Variants in ESRRG observed in about 807,000 individuals in gnomAD.
ESRRG encodes estrogen-related receptor gamma.
Under a neutral mutation model 44.0 loss-of-function variants are expected in ESRRG, and 13 were observed. That is an observed-to-expected ratio of 0.30 (90% CI 0.19 to 0.47). The LOEUF is 0.47. Ranked by LOEUF, ESRRG falls within the 20% of genes least tolerant of loss-of-function variation. The pLI, the probability that ESRRG is intolerant of heterozygous loss-of-function variation, is 1.00. For missense variants in ESRRG, 395 were observed against 580.6 expected, an observed-to-expected ratio of 0.68 and a Z score of 3.29; for synonymous variants, 215 against 214.6, an observed-to-expected ratio of 1.00 and a Z score of -0.02.
At chr1:216,817,149 C>G (rs961454160) in intron 2 of ESRRG, among the ~76,000 whole-genome samples, 2 of 151,822 alleles carry the variant, frequency 1.3e-5, no homozygotes, top group African/African-American at 2.4e-5. Flanking sequence ...CCTAAACACA[C>G]ATTCAAATAA....
chr1:216,906,479 C>G lies in ESRRG; in HGVS notation c.-14+33103G>C, dbSNP rs897495985. The stretch of plus-strand genomic sequence containing the variant: ...CATCAGACATATGGCCAGGAAAGTA[C>G]AGCCTCAATTGAACAGCAAAGCCCT... On this transcript the variant is annotated intron_variant, in intron 2 of 7. Coordinates refer to the ESRRG transcript ENST00000359162. 2.0e-5 allele frequency among the ~76,000 whole-genome samples: 3 copies of G among 152,134 alleles called. No individual in the cohort carries two copies. In the South Asian group the frequency reaches 6.2e-4, roughly 32 times the overall value.
At position 217,087,153 on chromosome 1, in the gene ESRRG, CTCTGGCGGGCTTTCGCTAAAAT is replaced by C. The variant is rs1173097435; in HGVS notation, c.-106+2332_-106+2353del. 3.3e-5 allele frequency among the ~76,000 whole-genome samples: 5 copies of C among 152,132 alleles called. 1 individual carries two copies. The highest frequency in any genetic ancestry group is 7.4e-5 in the Non-Finnish European group (5 of 68,022). ...TCCATTTCAAACATAAGCCCATTAC[CTCTGGCGGGCTTTCGCTAAAAT>C]TCTAGCTGCAACTGAAATGTCCCTG... is the stretch of plus-strand genomic sequence containing the variant. On this transcript the variant is annotated intron_variant, in intron 1 of 7. Transcript: ENST00000359162.
chr1:216,820,719 C>A (rs1159897844), intron 2 of ESRRG, among the ~76,000 whole-genome samples: 1 of 152,194 alleles, frequency 6.6e-6, no homozygotes, highest in African/African-American at 2.4e-5. Context: ...CAATTAGCCA[C>A]CCGTTCTTAT....
chr1:216,932,011 C>A (rs1260943169), intron 2 of ESRRG, among the ~76,000 whole-genome samples: 1 of 152,056 alleles, frequency 6.6e-6, no homozygotes, highest in Admixed American at 6.6e-5. Context: ...CAAGACCAGC[C>A]TGGCCAACAT....
chr1:216,670,180 C>T (rs761892974), intron 2 of ESRRG, among the ~76,000 whole-genome samples: 1 of 152,194 alleles, frequency 6.6e-6, no homozygotes, highest in Non-Finnish European at 1.5e-5. Flanking sequence ...TTTGTAAGTT[C>T]TTATTTTCTC....
At chr1:216,953,404 A>G (rs1481305930) in intron 1 of ESRRG, among the ~76,000 whole-genome samples, 1 of 152,160 alleles carries the variant, frequency 6.6e-6, no homozygotes, top group African/African-American at 2.4e-5. Context: ...TAGTAATGCA[A>G]TAGAGCAAAG....
At chr1:216,696,852 C>A (rs2151812498) in intron 1 of ESRRG, among the ~76,000 whole-genome samples, 1 of 152,180 alleles carries the variant, frequency 6.6e-6, no homozygotes, top group Admixed American at 6.5e-5. Flanking sequence ...TAATACCTAT[C>A]CTATCTAATG....
intron 1 of ESRRG, among the ~76,000 whole-genome samples, chr1:217,107,810 G>A (rs541763030): frequency 5.3e-5 from 8 of 152,104 alleles, no homozygotes; most frequent in African/African-American, 1.9e-4. Flanking sequence ...GAAATAGTTA[G>A]GTTTTATGAC....
Position 216,828,885 on chromosome 1 carries a change from T to C in ESRRG, c.-14+110697A>G, listed in dbSNP as rs145876535. Among the ~76,000 whole-genome samples, 585 of 152,294 alleles carry C rather than the reference T, an allele frequency of 3.8e-3. 3 individuals are homozygous for C. Among genetic ancestry groups the C allele is most frequent in the Middle Eastern group, 0.02 (6 of 294 alleles). ...TCTGTGTGGTATTTATAATAATTGA[T>C]CATGGTGCACATTTCAGTGAGCATT... is the stretch of plus-strand genomic sequence containing the variant. On this transcript the variant is annotated intron_variant, in intron 2 of 7. Coordinates refer to the ESRRG transcript ENST00000359162.
Position 216,505,758 on chromosome 1 carries a change from T to A in ESRRG, c.*1181A>T, listed in dbSNP as rs542465994. The A allele has an allele frequency of 2.2e-4, 34 of 152,734 alleles. No homozygotes were observed. The highest frequency in any genetic ancestry group is 6.7e-4 in the African/African-American group (28 of 41,568). The allele number at this position is 152,734 out of a possible 1,614,324, so 9.5% of individuals were successfully genotyped here. On this transcript the variant is annotated 3_prime_UTR_variant, in exon 7 of 7. Transcript: ENST00000408911. ...ACTGGAGCTCATGTTAAGAAATTGA[T>A]GTTTGGGACCAGACTGGCACACAAC...
chr1:216,750,247 C>T (rs978194320), intron 2 of ESRRG, among the ~76,000 whole-genome samples: 3 of 152,142 alleles, frequency 2.0e-5, no homozygotes, highest in Admixed American at 1.3e-4. Context: ...TGGCAGACAT[C>T]GCCTCGGAGA....
intron 2 of ESRRG, among the ~76,000 whole-genome samples, chr1:216,840,264 A>T (rs1160653379): frequency 1.3e-5 from 2 of 152,170 alleles, no homozygotes; most frequent in African/African-American, 2.4e-5. Flanking sequence ...TGTTACAGTG[A>T]TGGCTTATTT....
intron 2 of ESRRG, among the ~76,000 whole-genome samples, chr1:216,751,135 C>G (rs1342360652): frequency 6.6e-6 from 1 of 152,074 alleles, no homozygotes; most frequent in Non-Finnish European, 1.5e-5. Context: ...GTACCCAACA[C>G]CAAGTAGTGG....
intron 1 of ESRRG, among the ~76,000 whole-genome samples, chr1:216,695,869 CA>C (rs1433119786): frequency 6.6e-6 from 1 of 152,138 alleles, no homozygotes; most frequent in Non-Finnish European, 1.5e-5. Context: ...TTAAGCATTG[CA>C]TGTATACAGC....
At chr1:216,536,595 G>T (rs1163926723) in intron 5 of ESRRG, among the ~76,000 whole-genome samples, 1 of 151,986 alleles carries the variant, frequency 6.6e-6, no homozygotes, top group Non-Finnish European at 1.5e-5. Flanking sequence ...CCTCTTCCTT[G>T]TTGTGATGGT....
intron 5 of ESRRG, among the ~76,000 whole-genome samples, chr1:216,542,986 G>A (rs1366762904): frequency 6.6e-6 from 1 of 151,986 alleles, no homozygotes; most frequent in Non-Finnish European, 1.5e-5. Context: ...GAGGGATTTA[G>A]TGGAAGAACC....
chr1:216,683,092 G>A (rs2077315100), intron 1 of ESRRG, among the ~76,000 whole-genome samples: 1 of 152,160 alleles, frequency 6.6e-6, no homozygotes, highest in Admixed American at 6.5e-5. Context: ...TGGCATCACA[G>A]TAATACGATG....
chr1:216,852,382 C>T (rs1344287894), intron 2 of ESRRG, among the ~76,000 whole-genome samples: 1 of 152,088 alleles, frequency 6.6e-6, no homozygotes, highest in Non-Finnish European at 1.5e-5. Context: ...GAGAAGAAAC[C>T]GTGGCACACA....
intron 1 of ESRRG, among the ~76,000 whole-genome samples, chr1:216,708,483 T>C (rs2082884130): frequency 6.6e-6 from 1 of 152,122 alleles, no homozygotes; most frequent in Non-Finnish European, 1.5e-5. Context: ...ACAGTGGTCA[T>C]TGGAGAAATG....
Sources: allele counts gnomAD v4.1 joint callset (sites outside exome capture counted in the v4.1 genomes callset), GRCh38; gene constraint gnomAD v4.1.1; transcripts MANE v1.5; gene names NCBI Gene and HGNC (gene_info 2026-07-23, HGNC 2026-07-21).